Variants in RASGEF1C observed in about 807,000 individuals in gnomAD.
The protein encoded by RASGEF1C is RasGEF domain family member 1C.
Under a neutral mutation model 58.1 loss-of-function variants are expected in RASGEF1C, and 27 were observed. The observed-to-expected ratio is 0.46, with a 90% CI of 0.34 to 0.64. The LOEUF (loss-of-function observed/expected upper bound fraction) is 0.64. Among genes scored for constraint, RASGEF1C ranks in the 30% least tolerant of loss-of-function variants. The pLI is 0.01. For synonymous variants in RASGEF1C, 243 were observed against 246.3 expected, an observed-to-expected ratio of 0.99 and a Z score of 0.13; for missense variants, 502 against 605.1, an observed-to-expected ratio of 0.83 and a Z score of 1.79.
intron 1 of RASGEF1C, among the ~76,000 whole-genome samples, chr5:180,152,204 C>A (rs1381161220): frequency 6.6e-6 from 1 of 152,020 alleles, no homozygotes; most frequent in Non-Finnish European, 1.5e-5. Flanking sequence ...TTTGACCCAG[C>A]CATCCCATTA....
At chr5:180,175,255 C>T (rs1381801603) in intron 1 of RASGEF1C, among the ~76,000 whole-genome samples, 1 of 152,216 alleles carries the variant, frequency 6.6e-6, no homozygotes, top group Non-Finnish European at 1.5e-5. Context: ...AAAGGCGTTT[C>T]TGTGCAGGGC....
chr5:180,148,596 A>G (rs1241483199), intron 1 of RASGEF1C, among the ~76,000 whole-genome samples: 1 of 152,228 alleles, frequency 6.6e-6, no homozygotes, highest in Non-Finnish European at 1.5e-5. Flanking sequence ...CTTCAGTAGC[A>G]TTCAAAAACT....
chr5:180,137,695 G>A lies in RASGEF1C; in HGVS notation c.195C>T (p.Thr65=). 6.2e-7 allele frequency: 1 copy of A among 1,613,054 alleles called. No individual in the cohort carries two copies. Among genetic ancestry groups the A allele is most frequent in the Non-Finnish European group, 8.5e-7 (1 of 1,180,022 alleles). ...DYYPEKAYIF[T]FLLSSRLFIE... ...TGAAGAGGCGAGAGCTCAGCAGGAA[G>A]GTGAAGATGTAGGCTTTCTGGGGGA... is the stretch of plus-strand genomic sequence containing the variant. Residue 65 remains threonine (T), a synonymous_variant, in exon 3 of 14, where the codon ACC becomes ACT. Transcript: ENST00000361132. This position sits in a 1 kb window ranked among gnomAD's most constrained non-coding sequence, Gnocchi z 4.1.
intron 1 of RASGEF1C, among the ~76,000 whole-genome samples, chr5:180,151,481 T>A (rs1388673978): frequency 6.6e-6 from 1 of 152,164 alleles, no homozygotes; most frequent in East Asian, 1.9e-4. Flanking sequence ...GATTCCCTAT[T>A]TAATAAATGG....
intron 12 of RASGEF1C, among the ~76,000 whole-genome samples, chr5:180,103,266 A>AC (rs1401724343): frequency 5.1e-4 from 77 of 152,014 alleles, no homozygotes; most frequent in Admixed American, 4.3e-3. Flanking sequence ...TTTAGTAGAG[A>AC]TGGGGTTTCA....
Position 180,158,643 on chromosome 5 carries a change from C to T in RASGEF1C, c.-6-20585G>A, listed in dbSNP as rs928776311. On this transcript the variant is annotated intron_variant, in intron 1 of 13. Transcript: ENST00000361132. The surrounding 1 kb of genome is among the most constrained non-coding windows in gnomAD (Gnocchi z 4.0). ...AGTTTTAGTACTGAAAATCCCGTAT[C>T]CCAAGAAAAACCCCTCAGTCCCAGG... Among the ~76,000 whole-genome samples the T allele has an allele frequency of 6.6e-6, 1 of 152,108 alleles. No individual in the cohort carries two copies.
chr5:180,135,954 T>C (rs563636031), intron 4 of RASGEF1C, among the ~76,000 whole-genome samples: 1 of 152,380 alleles, frequency 6.6e-6, no homozygotes, highest in East Asian at 1.9e-4. Context: ...TCCCTGGCCC[T>C]GATTTGCAGG....
At chr5:180,154,329 A>G (rs1027726247) in intron 1 of RASGEF1C, among the ~76,000 whole-genome samples, 1 of 152,128 alleles carries the variant, frequency 6.6e-6, no homozygotes, top group African/African-American at 2.4e-5. Context: ...ACTGTTTCCA[A>G]GGCTCCTGGG....
Position 180,138,059 on chromosome 5 carries a change from C to T in RASGEF1C, c.-6-1G>A, listed in dbSNP as rs763724921. The T allele has an allele frequency of 1.3e-6, 2 of 1,491,704 alleles. No individual in the cohort carries two copies. The highest frequency in any genetic ancestry group is 8.9e-7 in the Non-Finnish European group (1 of 1,124,546). The allele number at this position is 1,491,704 out of a possible 1,614,324, so 92.4% of individuals were successfully genotyped here. A position where few individuals can be genotyped will look rare whatever the true frequency, so the allele number is the denominator to read the frequency against. ...CACTCAGCGTCTGTGGCATGTCTGC[C>T]TGCAATGGCAAGGAGCAGTGAGGAC... On this transcript the variant is annotated splice_acceptor_variant, in intron 1 of 13. Transcript: ENST00000361132. LOFTEE classifies it low-confidence loss of function (5UTR_SPLICE).
chr5:180,151,575 G>A (rs1766745956), intron 1 of RASGEF1C, among the ~76,000 whole-genome samples: 1 of 151,974 alleles, frequency 6.6e-6, no homozygotes, highest in Non-Finnish European at 1.5e-5. Flanking sequence ...ATTCAAGATG[G>A]ATTAAAGACT....
intron 3 of RASGEF1C, chr5:180,136,887 A>C (rs1766489002): frequency 4.3e-6 from 1 of 231,052 alleles, no homozygotes; most frequent in South Asian, 8.2e-5. Context: ...ATTGGCTCAC[A>C]GGTGGCCACG....
In RASGEF1C at chr5:180,131,295, C is replaced by T. The variant is rs528464523; in HGVS notation, c.439-2685G>A. ...CTGGCCAGGCTTGGTGGCCTCTATGCGCCCTTGCTCCCCTTCTGTGCTCTG... is the reference window on the plus strand; with the variant it reads ...CTGGCCAGGCTTGGTGGCCTCTATGTGCCCTTGCTCCCCTTCTGTGCTCTG... On this transcript the variant is annotated intron_variant, in intron 4 of 13. Transcript: ENST00000361132. Among the ~76,000 whole-genome samples, 61 of 152,266 alleles carry T rather than the reference C, an allele frequency of 4.0e-4. 1 individual carries two copies. The highest frequency in any genetic ancestry group is 1.3e-3 in the African/African-American group (56 of 41,560).
At chr5:180,181,778 G>A (rs757690607) in intron 1 of RASGEF1C, among the ~76,000 whole-genome samples, 1 of 152,200 alleles carries the variant, frequency 6.6e-6, no homozygotes, top group East Asian at 1.9e-4. Flanking sequence ...GGCAGCCCTA[G>A]GAAAGTGATA....
At chr5:180,169,639 C>T (rs886641205) in intron 1 of RASGEF1C, among the ~76,000 whole-genome samples, 3 of 152,054 alleles carry the variant, frequency 2.0e-5, no homozygotes, top group Non-Finnish European at 4.4e-5. Context: ...TCAGTTTTCC[C>T]TATGCACAAC....
At chr5:180,117,094 G>A (rs1342331210) in intron 10 of RASGEF1C, among the ~76,000 whole-genome samples, 2 of 152,210 alleles carry the variant, frequency 1.3e-5, no homozygotes, top group African/African-American at 2.4e-5. Context: ...CTGCTGTCTG[G>A]CTTCCCGGGC....
chr5:180,128,418 C>A lies in RASGEF1C; in HGVS notation c.631G>T (p.Val211Leu). 1 of 1,613,498 alleles carries A rather than the reference C, an allele frequency of 6.2e-7. No individual in the cohort carries two copies. The highest frequency in any genetic ancestry group is 8.5e-7 in the Non-Finnish European group (1 of 1,179,942). Residue 211 changes from valine (V) to leucine (L), a missense_variant, in exon 5 of 14, where the codon GTG (valine) becomes TTG (leucine). By Grantham distance (32) the Val-to-Leu change is conservative. Transcript: ENST00000361132. ...GGTTTGGGCCGGCTTACCAGTTCCA[C>A]GTGGGTCAGCTGCTGGGCCAGTGTG... ...PYTLAQQLTH[V>L]ELERLRHIGP... is the part of the protein sequence containing the mutation.
In RASGEF1C at chr5:180,112,915, A is replaced by AGGGAC. The variant is rs1383778678; in HGVS notation, c.1180-1336_1180-1335insGTCCC. 1.1e-4 allele frequency among the ~76,000 whole-genome samples: 16 copies of AGGGAC among 146,446 alleles called. 4 individuals carry two copies. The East Asian group carries it at 2.6e-3, about 24-fold the overall frequency. On this transcript the variant is annotated intron_variant, in intron 11 of 13. Transcript: ENST00000361132. Reference sequence around the variant, plus strand: ...GGATGGACGGAGGGACCGTGGATGGACAGAGGGATCCGGGATGGACGGAGG... The same window carrying AGGGAC: ...GGATGGACGGAGGGACCGTGGATGGAGGGACCAGAGGGATCCGGGATGGACGGAGG...
intron 1 of RASGEF1C, among the ~76,000 whole-genome samples, chr5:180,177,000 G>A (rs1285072101): frequency 1.3e-5 from 2 of 152,166 alleles, no homozygotes; most frequent in East Asian, 1.9e-4. Context: ...CAGGGCCCCT[G>A]GCCTGGCCTC....
intron 1 of RASGEF1C, among the ~76,000 whole-genome samples, chr5:180,171,005 G>C (rs1767099666): frequency 6.6e-6 from 1 of 152,200 alleles, no homozygotes; most frequent in Non-Finnish European, 1.5e-5. Context: ...CTGAATCCCA[G>C]AGAGCATGCA....
Sources: gnomAD v4.1 joint callset for allele counts (sites outside exome capture counted in the v4.1 genomes callset) on GRCh38, gnomAD v4.1.1 for gene constraint, Gnocchi (gnomAD v3.1) non-coding constraint, MANE v1.5 for transcripts, NCBI Gene and HGNC (gene_info 2026-07-23, HGNC 2026-07-21) for gene names.